The following TRAK1 variants were observed in gnomAD, a reference collection of about 807,000 sequenced individuals.
The protein encoded by TRAK1 is trafficking kinesin protein 1.
A neutral mutation model predicts 92.1 loss-of-function variants in TRAK1; 33 were observed. The ratio of observed to expected loss-of-function variants is 0.36; its 90% CI spans 0.27 to 0.48. The LOEUF is 0.48. TRAK1 is among the 20% of genes least tolerant of loss of function. TRAK1 has a pLI of 0.99. For missense variants in TRAK1, 1,123 were observed against 1,257.9 expected (o/e 0.89, Z 1.62); for synonymous variants, 521 against 517.3 (o/e 1.01, Z -0.10).
At chr3:42,021,911 C>G (rs1456221784) in intron 1 of TRAK1, among the ~76,000 whole-genome samples, 1 of 152,168 alleles carries the variant, frequency 6.6e-6, no homozygotes, top group Admixed American at 6.5e-5. Flanking sequence ...TGAATTTATA[C>G]ATGTGCTTGG....
chr3:42,090,124 G>T (rs1465853027), upstream of TRAK1, among the ~76,000 whole-genome samples: 1 of 152,128 alleles, frequency 6.6e-6, no homozygotes, highest in Non-Finnish European at 1.5e-5. Context: ...GTACACCGAG[G>T]TTAGCACAAT....
chr3:42,189,903 T>C (rs966002623), intron 6 of TRAK1, among the ~76,000 whole-genome samples: 6 of 152,162 alleles, frequency 3.9e-5, no homozygotes, highest in African/African-American at 1.4e-4. Context: ...TGCTTTTGAG[T>C]TTGTTTTATT....
At chr3:42,075,224 C>T (rs1704099204) in intron 1 of TRAK1, among the ~76,000 whole-genome samples, 1 of 150,858 alleles carries the variant, frequency 6.6e-6, no homozygotes, top group Non-Finnish European at 1.5e-5. Flanking sequence ...GCCTATAATC[C>T]CAGCTACTCT....
chr3:42,050,762 A>G (rs566982515), intron 1 of TRAK1, among the ~76,000 whole-genome samples: 69 of 152,214 alleles, frequency 4.5e-4, no homozygotes, highest in African/African-American at 1.6e-3. Context: ...GGTTCAAGCA[A>G]TTCTCCTGCC....
At chr3:42,218,451 G>A (rs1480304504) in intron 14 of TRAK1, 6 of 984,128 alleles carry the variant, frequency 6.1e-6, no homozygotes, top group Non-Finnish European at 7.2e-6. Flanking sequence ...AGGGTGGGGT[G>A]GGGTTGGGTG....
intron 1 of TRAK1, among the ~76,000 whole-genome samples, chr3:42,026,656 C>T (rs1265658323): frequency 6.6e-6 from 1 of 151,970 alleles, no homozygotes; most frequent in African/African-American, 2.4e-5. Context: ...TCCCGAGTAG[C>T]TGAGACTACA....
intron 1 of TRAK1, among the ~76,000 whole-genome samples, chr3:42,093,890 G>C: frequency 6.6e-6 from 1 of 151,370 alleles, no homozygotes; most frequent in Non-Finnish European, 1.5e-5. Flanking sequence ...TTTTAGTAGA[G>C]ACAGGGTTTT....
intron 2 of TRAK1, among the ~76,000 whole-genome samples, chr3:42,176,215 C>G (rs958345531): frequency 1.3e-5 from 2 of 152,080 alleles, no homozygotes; most frequent in African/African-American, 2.4e-5. Flanking sequence ...TCATAGTAGT[C>G]TTTTTAATGT....
chr3:42,211,696 T>C, intron 14 of TRAK1: 1 of 985,288 alleles, frequency 1.0e-6, no homozygotes, highest in South Asian at 4.7e-5. Context: ...GCTTATCAAG[T>C]CAACAAAGAA....
chr3:42,211,916 A>T, intron 14 of TRAK1: 1 of 985,470 alleles, frequency 1.0e-6, no homozygotes, highest in African/African-American at 1.7e-5. Flanking sequence ...TGTGTAATAA[A>T]AAAGAATTAC....
chr3:42,099,409 G>A (rs1439253149), intron 1 of TRAK1, among the ~76,000 whole-genome samples: 1 of 152,216 alleles, frequency 6.6e-6, no homozygotes, highest in African/African-American at 2.4e-5. Context: ...CCAGACCTGA[G>A]TGCGGCAGCT....
intron 14 of TRAK1, chr3:42,212,329 G>A (rs1236614493): frequency 1.0e-6 from 1 of 985,268 alleles, no homozygotes; most frequent in East Asian, 1.1e-4. Context: ...TGTCTGCCTG[G>A]GAACACTCAG....
chr3:42,187,659 GT>G (rs1185260222), intron 4 of TRAK1, among the ~76,000 whole-genome samples: 1 of 151,968 alleles, frequency 6.6e-6, no homozygotes, highest in East Asian at 1.9e-4. Context: ...TAGAGACGGG[GT>G]TTCACCATGT....
chr3:42,022,680 C>CCAT (rs1701762588), intron 1 of TRAK1, among the ~76,000 whole-genome samples: 1 of 151,352 alleles, frequency 6.6e-6, no homozygotes, highest in Non-Finnish European at 1.5e-5. Context: ...CATGATTACA[C>CCAT]CATTGTACTC....
chr3:42,120,325 A>C (rs750028330), intron 1 of TRAK1, among the ~76,000 whole-genome samples: 5 of 152,096 alleles, frequency 3.3e-5, no homozygotes, highest in Non-Finnish European at 7.4e-5. Flanking sequence ...ATTTGAGAAC[A>C]CATTTTGACT....
chr3:42,207,089 C>A (rs989406219), intron 13 of TRAK1, among the ~76,000 whole-genome samples: 1 of 152,184 alleles, frequency 6.6e-6, no homozygotes, highest in Admixed American at 6.5e-5. Flanking sequence ...TGGCATACCC[C>A]CCTTTTCCCT....
At chr3:42,097,735 A>C (rs1003373210) in intron 1 of TRAK1, among the ~76,000 whole-genome samples, 1 of 152,204 alleles carries the variant, frequency 6.6e-6, no homozygotes, top group African/African-American at 2.4e-5. Flanking sequence ...TGGATTTTGA[A>C]TACCATGCGG....
In TRAK1 at chr3:42,223,010, C is replaced by A. The variant is rs1011417110; in HGVS notation, c.2135C>A (p.Pro712Gln). The A allele has an allele frequency of 3.1e-6, 5 of 1,614,130 alleles. No individual in the cohort carries two copies. The South Asian group carries it at 5.5e-5, about 18-fold the overall frequency. ...SHLKSTPVATPCTPRRLSLAE... is the reference protein window; with the variant it reads ...SHLKSTPVATQCTPRRLSLAE... Reference sequence around the variant, plus strand: ...TTGAAATCCACGCCGGTGGCCACACCATGCACTCCACGGAGACTGAGCCTG... The same window carrying A: ...TTGAAATCCACGCCGGTGGCCACACAATGCACTCCACGGAGACTGAGCCTG... The change falls in exon 16 of 16, where the codon CCA (proline) becomes CAA (glutamine). Residue 712 changes from proline (P) to glutamine (Q), a missense_variant. Pro to Gln is a moderately conservative substitution (Grantham distance 76). This residue lies in a region of TRAK1 where 401 missense variants were observed against 438.9 expected (regional missense o/e 0.91). Transcript: ENST00000327628. The surrounding 1 kb of genome is among the most constrained non-coding windows in gnomAD (Gnocchi z 6.1).
At chr3:42,212,983 C>T (rs1377314318) in intron 14 of TRAK1, among the ~76,000 whole-genome samples, 6 of 151,684 alleles carry the variant, frequency 4.0e-5, no homozygotes, top group East Asian at 3.9e-4. Context: ...AAAACTTACA[C>T]GAATCATGGC....
Sources: gnomAD v4.1 joint callset for allele counts (sites outside exome capture counted in the v4.1 genomes callset) on GRCh38, gnomAD v4.1.1 for gene constraint, gnomAD v4.1.1 regional missense constraint, Gnocchi (gnomAD v3.1) non-coding constraint, MANE v1.5 for transcripts, NCBI Gene and HGNC (gene_info 2026-07-23, HGNC 2026-07-21) for gene names.